The following PITPNM3 variants were observed in gnomAD, a reference collection of about 807,000 sequenced individuals.
PITPNM3 encodes membrane-associated phosphatidylinositol transfer protein 3.
In PITPNM3, 26 loss-of-function variants were observed where a neutral mutation model predicts 102.0. The observed-to-expected ratio is 0.25, with a 90% confidence interval of 0.19 to 0.35. PITPNM3 has a LOEUF of 0.35. Ranked by LOEUF, PITPNM3 falls within the 10% of genes least tolerant of loss-of-function variation. PITPNM3 has a pLI of 1.00. For synonymous variants in PITPNM3, 578 were observed against 558.6 expected (o/e 1.03, Z -0.49); for missense variants, 1,083 against 1,346.1 (o/e 0.80, Z 3.06).
chr17:6,503,679 C>G (rs1452302744), intron 3 of PITPNM3, 105 bp from the exon 4 acceptor site: 6 of 1,170,410 alleles, frequency 5.1e-6, no homozygotes, highest in Admixed American at 3.8e-5. Flanking sequence ...CACTCTAGAG[C>G]TTGGGATGGG....
At chr17:6,465,038 T>A (rs77683115) in intron 14 of PITPNM3, among the ~76,000 whole-genome samples, 3,306 of 152,184 alleles carry the variant, frequency 0.022, 130 homozygotes, top group African/African-American at 0.075. Flanking sequence ...TGATTGATTG[T>A]TTGTTTGTTT....
chr17:6,545,108 A>G (rs1253051987), intron 1 of PITPNM3, among the ~76,000 whole-genome samples: 2 of 152,002 alleles, frequency 1.3e-5, no homozygotes, highest in Non-Finnish European at 2.9e-5. Context: ...CCACTTACCA[A>G]TTCGTGATCT....
At chr17:6,553,738 C>T (rs1910444980) in intron 1 of PITPNM3, among the ~76,000 whole-genome samples, 1 of 152,128 alleles carries the variant, frequency 6.6e-6, no homozygotes, top group South Asian at 2.1e-4. Flanking sequence ...GTTCCTGTGT[C>T]ACCCCCCGCC....
intron 1 of PITPNM3, among the ~76,000 whole-genome samples, chr17:6,551,504 G>C (rs1397624291): frequency 6.6e-6 from 1 of 152,306 alleles, no homozygotes; most frequent in East Asian, 1.9e-4. Flanking sequence ...ATACACAGTA[G>C]AGTAATCGGT....
intron 3 of PITPNM3, among the ~76,000 whole-genome samples, chr17:6,511,998 C>T (rs1277815684): frequency 2.6e-5 from 4 of 152,156 alleles, no homozygotes; most frequent in Non-Finnish European, 5.9e-5. Context: ...GAACAGCAGG[C>T]TTATGGGTGA....
At position 6,507,782 on chromosome 17, in the gene PITPNM3, G is replaced by C. The variant is rs8069228; in HGVS notation, c.227-4208C>G. Among the ~76,000 whole-genome samples the C allele has an allele frequency of 9.9e-3, 1,503 of 152,182 alleles. 19 individuals are homozygous for C. Among genetic ancestry groups the C allele is most frequent in the African/African-American group, 0.034 (1,429 of 41,492 alleles). ...AGGACTCCAGCGCAGGGAGGAGCCG[G>C]GTCTGAGTCATTACCTCCACATTCT... On this transcript the variant is annotated intron_variant, in intron 3 of 19. Transcript: ENST00000262483.
At chr17:6,529,374 C>A (rs767945032) in intron 2 of PITPNM3, among the ~76,000 whole-genome samples, 3 of 152,110 alleles carry the variant, frequency 2.0e-5, no homozygotes, top group Non-Finnish European at 4.4e-5. Flanking sequence ...GCGGGCAAAT[C>A]ACAAGGGCAG....
chr17:6,452,880 A>T lies in PITPNM3; in HGVS notation c.*2458T>A, dbSNP rs1042951981. On this transcript the variant is annotated 3_prime_UTR_variant, in exon 20 of 20. Transcript: ENST00000262483. ...TGCTGGGTCCTGTGTCCCAGCTCTG[A>T]CCCCAGAGCCACAGAACCCTGGTCA... The T allele has an allele frequency of 6.6e-6, 1 of 151,536 alleles. No individual in the cohort carries two copies. Among genetic ancestry groups the T allele is most frequent in the African/African-American group, 2.4e-5 (1 of 41,146 alleles). The allele number at this position is 151,536 out of a possible 1,614,324, so 9.4% of individuals were successfully genotyped here. A position where few individuals can be genotyped will look rare whatever the true frequency, so the allele number is the denominator to read the frequency against.
chr17:6,459,965 A>G lies in PITPNM3; in HGVS notation c.2490+1408T>C, dbSNP rs1033725562. ...CCCCCTAACTGGCCTCCCTGCCTCCAGTTTCTCCTGCCAATCTGTTCTCCA... is the reference window on the plus strand; with the variant it reads ...CCCCCTAACTGGCCTCCCTGCCTCCGGTTTCTCCTGCCAATCTGTTCTCCA... On this transcript the variant is annotated intron_variant, in intron 18 of 19. Coordinates refer to ENST00000262483, the MANE Select transcript of PITPNM3 (RefSeq NM_031220.4). This position sits in a 1 kb window ranked among gnomAD's most constrained non-coding sequence, Gnocchi z 5.0. Among the ~76,000 whole-genome samples the G allele has an allele frequency of 1.3e-5, 2 of 152,020 alleles. No individual in the cohort carries two copies. Among genetic ancestry groups the G allele is most frequent in the African/African-American group, 4.8e-5 (2 of 41,372 alleles).
rs1211833470 is a variant in PITPNM3, at chr17:6,459,567, G to A, written c.2490+1806C>T. Reference sequence around the variant, plus strand: ...CCCGTGGCTGTATCAGCCTTGACATGTCCACAGCTGAGCTCATCTCCCTCC... The same window carrying A: ...CCCGTGGCTGTATCAGCCTTGACATATCCACAGCTGAGCTCATCTCCCTCC... On this transcript the variant is annotated intron_variant, in intron 18 of 19. Transcript: ENST00000262483. The surrounding 1 kb of genome is among the most constrained non-coding windows in gnomAD (Gnocchi z 5.0). Among the ~76,000 whole-genome samples, 5 of 151,948 alleles carry A rather than the reference G, an allele frequency of 3.3e-5. No individual in the cohort carries two copies. Among genetic ancestry groups the A allele is most frequent in the Non-Finnish European group, 7.4e-5 (5 of 67,986 alleles).
rs1350308989 is a variant in PITPNM3 at position 6,469,687 on chromosome 17, T to C, written c.1773+573A>G. On this transcript the variant is annotated intron_variant, in intron 13 of 19. Coordinates refer to ENST00000262483, the MANE Select transcript of PITPNM3 (RefSeq NM_031220.4). The surrounding 1 kb of genome is among the most constrained non-coding windows in gnomAD (Gnocchi z 4.0). ...GCCTCACAAGAGGCCTCATGGTTCC[T>C]CTCCTGCCGTGAAAACAGCAGCCTC... 6.6e-6 allele frequency among the ~76,000 whole-genome samples: 1 copy of C among 152,160 alleles called. No homozygotes were observed. The highest frequency in any genetic ancestry group is 1.5e-5 in the Non-Finnish European group (1 of 68,020).
chr17:6,504,529 G>A (rs568624069), intron 3 of PITPNM3, among the ~76,000 whole-genome samples: 34 of 152,308 alleles, frequency 2.2e-4, no homozygotes, highest in Middle Eastern at 3.4e-3. Flanking sequence ...CTCAAAAGCA[G>A]GCAGGGGTAA....
intron 2 of PITPNM3, among the ~76,000 whole-genome samples, chr17:6,529,242 C>G (rs1369674924): frequency 6.6e-6 from 1 of 152,118 alleles, no homozygotes; most frequent in Non-Finnish European, 1.5e-5. Flanking sequence ...ATAAGGAAAG[C>G]CTTTCTTCCT....
rs1478294339 is a variant in PITPNM3, at chr17:6,459,405, C to T, written c.2491-1683G>A. Among the ~76,000 whole-genome samples, 2 of 151,966 alleles carry T rather than the reference C, an allele frequency of 1.3e-5. No homozygotes were observed. The highest frequency in any genetic ancestry group is 2.4e-5 in the African/African-American group (1 of 41,328). Reference sequence around the variant, plus strand: ...CTCTCCTCCTGGTTCCTCAGCTGCTCCTTGTGCTGCTCTCAGTGGCCCAGC... The same window carrying T: ...CTCTCCTCCTGGTTCCTCAGCTGCTTCTTGTGCTGCTCTCAGTGGCCCAGC... On this transcript the variant is annotated intron_variant, in intron 18 of 19. Transcript: ENST00000262483. This position sits in a 1 kb window ranked among gnomAD's most constrained non-coding sequence, Gnocchi z 5.0.
intron 1 of PITPNM3, among the ~76,000 whole-genome samples, chr17:6,545,396 G>A (rs1382469443): frequency 2.0e-5 from 3 of 152,014 alleles, no homozygotes; most frequent in East Asian, 1.9e-4. Flanking sequence ...TGGGAGCCTC[G>A]CCACTCCCCA....
intron 1 of PITPNM3, among the ~76,000 whole-genome samples, chr17:6,541,715 T>A (rs75676519): frequency 6.6e-6 from 1 of 152,082 alleles, no homozygotes; most frequent in Admixed American, 6.6e-5. Context: ...CAGGTGGGCA[T>A]GACGACCCCA....
intron 14 of PITPNM3, among the ~76,000 whole-genome samples, chr17:6,465,994 G>A (rs868570244): frequency 1.3e-5 from 2 of 152,088 alleles, no homozygotes; most frequent in Non-Finnish European, 2.9e-5. Flanking sequence ...ACACCCTCCC[G>A]GGCTCCCCAC....
intron 2 of PITPNM3, among the ~76,000 whole-genome samples, chr17:6,527,900 C>A (rs1567689062): frequency 6.6e-6 from 1 of 152,238 alleles, no homozygotes; most frequent in African/African-American, 2.4e-5. Context: ...CTACTGGAAC[C>A]CTGTGGGGTC....
chr17:6,456,779 G>A (rs1319572300), intron 19 of PITPNM3, among the ~76,000 whole-genome samples: 2 of 152,020 alleles, frequency 1.3e-5, no homozygotes, highest in Non-Finnish European at 2.9e-5. Flanking sequence ...TCCAATAGTG[G>A]CACCTCCTAC....
Sources: allele counts gnomAD v4.1 joint callset (sites outside exome capture counted in the v4.1 genomes callset), GRCh38; gene constraint gnomAD v4.1.1; non-coding constraint Gnocchi (gnomAD v3.1); transcripts MANE v1.5; gene names NCBI Gene and HGNC (gene_info 2026-07-23, HGNC 2026-07-21).